NID2: variants seen among roughly 807,000 people sequenced by gnomAD.
NID2 encodes the protein nidogen-2.
Under a neutral mutation model 145.4 loss-of-function variants are expected in NID2, and 83 were observed. That is an observed-to-expected ratio of 0.57 (90% CI 0.48 to 0.69). NID2 has a LOEUF of 0.69. NID2 is among the 30% of genes least tolerant of loss of function. The probability of loss-of-function intolerance (pLI) is 0.00; values close to 1 mark genes in which losing one functional copy is unlikely to be tolerated. For synonymous variants in NID2, 739 were observed against 701.3 expected (o/e 1.05, Z -0.85); for missense variants, 1,807 against 1,765.7 (o/e 1.02, Z -0.42).
intron 5 of NID2, among the ~76,000 whole-genome samples, chr14:52,050,760 A>C (rs995901792): frequency 1.3e-5 from 2 of 152,302 alleles, no homozygotes; most frequent in Admixed American, 6.5e-5. Flanking sequence ...GGTGAGCACC[A>C]CCACACCCGG....
chr14:52,026,927 G>C (rs562563220), intron 12 of NID2, among the ~76,000 whole-genome samples: 7 of 152,362 alleles, frequency 4.6e-5, no homozygotes, highest in Admixed American at 1.3e-4. Context: ...CCTCCAGCCT[G>C]CGCTGGCTCC....
At chr14:52,016,334 A>G (rs1891213597) in intron 14 of NID2, among the ~76,000 whole-genome samples, 1 of 152,222 alleles carries the variant, frequency 6.6e-6, no homozygotes, top group South Asian at 2.1e-4. Flanking sequence ...GCAGAATCAC[A>G]TAGCCAATAA....
Position 52,010,939 on chromosome 14 carries a change from C to A in NID2, c.3659G>T (p.Arg1220Leu), listed in dbSNP as rs781075786. 9.9e-6 allele frequency: 16 copies of A among 1,613,928 alleles called. No homozygotes were observed. Among genetic ancestry groups the A allele is most frequent in the Non-Finnish European group, 1.4e-5 (16 of 1,180,040 alleles). Reference protein sequence around the residue: ...IESALLDGSERKVLFYTDLVN... With the variant: ...IESALLDGSELKVLFYTDLVN... ...CAGATCTGTGTAGAAGAGGACCTTG[C>A]GCTCAGAGCCATCCAGCAGGGCGCT... Residue 1220 changes from arginine to leucine, a missense_variant, in exon 18 of 22, where the codon CGC (arginine) becomes CTC (leucine). Transcript: ENST00000216286.
chr14:52,042,843 A>C lies in NID2; in HGVS notation c.1518T>G (p.Thr506=). 5 of 1,614,232 alleles carry C rather than the reference A, an allele frequency of 3.1e-6. No homozygotes were observed. The highest frequency in any genetic ancestry group is 4.2e-6 in the Non-Finnish European group (5 of 1,180,026). The change falls in exon 6 of 22, where the codon ACT becomes ACG. Residue 506 remains threonine (T), a synonymous_variant. Coordinates refer to ENST00000216286, the MANE Select transcript of NID2 (RefSeq NM_007361.4). ...SRHAFCTDYA[T]GFCCHCQSKF... ...TGGATTGGCAGTGGCAGCAGAAGCC[A>C]GTGGCATAGTCCGTGCAGAAGGCAT...
intron 18 of NID2, chr14:52,010,084 T>TGTTAA (rs1397920577): frequency 6.6e-6 from 1 of 152,236 alleles, no homozygotes; most frequent in African/African-American, 2.4e-5. Context: ...TATTAATTCC[T>TGTTAA]GTTAAGTCAA....
At chr14:52,018,922 A>G (rs1891307344) in intron 14 of NID2, 139 bp downstream of exon 14, 1 of 630,096 alleles carries the variant, frequency 1.6e-6, no homozygotes, top group Non-Finnish European at 2.9e-6. Context: ...ATTTGTACGC[A>G]CTATTATTCA....
intron 2 of NID2, among the ~76,000 whole-genome samples, chr14:52,066,048 T>C (rs912784233): frequency 6.6e-6 from 1 of 151,876 alleles, no homozygotes; most frequent in African/African-American, 2.4e-5. Context: ...TCAAATGGTA[T>C]TTCTAGTTTT....
chr14:52,010,914 C>A lies in NID2; in HGVS notation c.3684G>T (p.Leu1228=). The change falls in exon 18 of 22, where the codon CTG becomes CTT. Residue 1228 remains leucine, a synonymous_variant. Transcript: ENST00000216286. The stretch of plus-strand genomic sequence containing the variant: ...CCACAGCGATGGCACGGGGATTCAC[C>A]AGATCTGTGTAGAAGAGGACCTTGC... ...SERKVLFYTD[L]VNPRAIAVDP... The A allele has an allele frequency of 6.2e-7, 1 of 1,613,776 alleles. No homozygotes were observed. Among genetic ancestry groups the A allele is most frequent in the Non-Finnish European group, 8.5e-7 (1 of 1,180,038 alleles).
chr14:52,027,581 C>G (rs1229722052), intron 11 of NID2, among the ~76,000 whole-genome samples: 1 of 140,278 alleles, frequency 7.1e-6, no homozygotes, highest in Non-Finnish European at 1.6e-5. Flanking sequence ...GCACAAAAAC[C>G]CATCACCTAA....
intron 11 of NID2, among the ~76,000 whole-genome samples, chr14:52,027,633 T>TACAC (rs59049676): frequency 0.087 from 12,572 of 144,134 alleles, 612 homozygotes; most frequent in Non-Finnish European, 0.11. Flanking sequence ...GAGCAATTGC[T>TACAC]ACACACACAC....
chr14:52,032,915 T>C (rs962113777), intron 9 of NID2, among the ~76,000 whole-genome samples: 1 of 152,112 alleles, frequency 6.6e-6, no homozygotes, highest in African/African-American at 2.4e-5. Flanking sequence ...TGATTTAAAA[T>C]GTATGTCACT....
At chr14:52,008,091 TG>T in intron 18 of NID2, 124 bp from the exon 19 acceptor site, 1 of 712,566 alleles carries the variant, frequency 1.4e-6, no homozygotes, top group South Asian at 2.0e-5. Flanking sequence ...CCCTTGAGTT[TG>T]GGCTGCATTA....
rs771855766 is a variant in NID2, at chr14:52,020,095, G to T, written c.2758C>A (p.Pro920Thr). Residue 920 changes from proline (P) to threonine (T), a missense_variant, in exon 13 of 22, where the codon CCC (proline) becomes ACC (threonine). Physicochemically the swap from Pro to Thr is conservative, Grantham distance 38. Coordinates refer to ENST00000216286, the MANE Select transcript of NID2 (RefSeq NM_007361.4). ...TGAAATCCATCCCCATAATATCCGG[G>T]TTGACAACGGCAGGAGAAGGAACCA... Reference protein sequence around the residue: ...TPGSFSCRCQPGYYGDGFQCI... With the variant: ...TPGSFSCRCQTGYYGDGFQCI... 1 of 1,614,098 alleles carries T rather than the reference G, an allele frequency of 6.2e-7. No individual in the cohort carries two copies. The highest frequency in any genetic ancestry group is 2.2e-5 in the East Asian group (1 of 44,880).
chr14:52,056,975 A>T (rs978709153), intron 3 of NID2, among the ~76,000 whole-genome samples: 2 of 152,182 alleles, frequency 1.3e-5, no homozygotes, highest in African/African-American at 4.8e-5. Flanking sequence ...ATGACCTTTG[A>T]GCTCACAGTT....
At chr14:52,042,614 G>C (rs1472525665) in intron 6 of NID2, among the ~76,000 whole-genome samples, 168 bp downstream of exon 6, 5 of 152,220 alleles carry the variant, frequency 3.3e-5, no homozygotes, top group African/African-American at 7.2e-5. Flanking sequence ...TTGGGAATCA[G>C]CCCAAACCAG....
At chr14:52,042,981 C>G (rs755072139) in intron 5 of NID2, 50 bp from the exon 6 acceptor site, 2 of 1,580,482 alleles carry the variant, frequency 1.3e-6, no homozygotes, top group Non-Finnish European at 8.7e-7. Context: ...ATTCCAATGT[C>G]ACTGCTGCAT....
At chr14:52,034,565 A>G (rs1026492939) in intron 9 of NID2, among the ~76,000 whole-genome samples, 8 of 152,214 alleles carry the variant, frequency 5.3e-5, no homozygotes, top group African/African-American at 1.9e-4. Context: ...TTAAAACCAA[A>G]GCACCTCGGG....
At chr14:52,005,615 G>T in intron 21 of NID2, 119 bp from the exon 22 acceptor site, 2 of 1,427,294 alleles carry the variant, frequency 1.4e-6, no homozygotes, top group South Asian at 1.2e-5. Flanking sequence ...GTAAAGACTG[G>T]CCCTCAGGGC....
chr14:52,062,536 G>GA (rs1325946327), intron 2 of NID2, among the ~76,000 whole-genome samples: 1 of 152,018 alleles, frequency 6.6e-6, no homozygotes, highest in Non-Finnish European at 1.5e-5. Flanking sequence ...TCAGAATAAA[G>GA]AAAAATCAAC....
Sources: gnomAD v4.1 joint callset for allele counts (sites outside exome capture counted in the v4.1 genomes callset) on GRCh38, gnomAD v4.1.1 for gene constraint, MANE v1.5 for transcripts, NCBI Gene and HGNC (gene_info 2026-07-23, HGNC 2026-07-21) for gene names.